Variants in NPAS3 observed in about 807,000 individuals in gnomAD.
The protein encoded by NPAS3 is neuronal PAS domain protein 3.
A neutral mutation model predicts 73.1 loss-of-function variants in NPAS3; 14 were observed. That is an observed-to-expected ratio of 0.19 (90% CI 0.13 to 0.30). NPAS3 has a LOEUF of 0.30. NPAS3 is among the 10% of genes least tolerant of loss of function. The pLI is 1.00. For synonymous variants in NPAS3, 620 were observed against 541.5 expected, an observed-to-expected ratio of 1.14 and a Z score of -2.01; for missense variants, 1,096 against 1,250.0, an observed-to-expected ratio of 0.88 and a Z score of 1.86.
chr14:33,767,136 T>G (rs1025908838), intron 7 of NPAS3, among the ~76,000 whole-genome samples: 4 of 152,186 alleles, frequency 2.6e-5, no homozygotes, highest in Non-Finnish European at 4.4e-5. Context: ...GTATTTGTTT[T>G]TTCAGGCCTT....
At chr14:32,969,990 T>C (rs2037352916) in intron 1 of NPAS3, among the ~76,000 whole-genome samples, 1 of 152,188 alleles carries the variant, frequency 6.6e-6, no homozygotes, top group Non-Finnish European at 1.5e-5. Flanking sequence ...AAAGACTCGC[T>C]AGCTTCCAGG....
intron 3 of NPAS3, among the ~76,000 whole-genome samples, chr14:33,217,938 C>T (rs543050209): frequency 6.6e-6 from 1 of 152,224 alleles, no homozygotes; most frequent in East Asian, 1.9e-4. Flanking sequence ...TTTCTATCAC[C>T]ATCATCAGAC....
At chr14:33,737,658 C>T (rs2061556636) in intron 7 of NPAS3, among the ~76,000 whole-genome samples, 1 of 152,122 alleles carries the variant, frequency 6.6e-6, no homozygotes, top group Non-Finnish European at 1.5e-5. Context: ...CAGTGAACTT[C>T]CCTCATTAAT....
chr14:33,487,025 C>T (rs190063206), intron 4 of NPAS3, among the ~76,000 whole-genome samples: 57 of 152,222 alleles, frequency 3.7e-4, no homozygotes, highest in African/African-American at 1.3e-3. Context: ...AAGTCAAACT[C>T]TCCCCAATAT....
At chr14:33,162,352 C>A (rs2044925110) in intron 2 of NPAS3, among the ~76,000 whole-genome samples, 1 of 152,126 alleles carries the variant, frequency 6.6e-6, no homozygotes, top group South Asian at 2.1e-4. Context: ...CAGCAAGTCC[C>A]AGGCATCATA....
chr14:33,557,920 G>C lies in NPAS3; in HGVS notation c.469-2201G>C, dbSNP rs557571660. Among the ~76,000 whole-genome samples, 12 of 152,284 alleles carry C rather than the reference G, an allele frequency of 7.9e-5. No homozygotes were observed. The South Asian group carries it at 8.3e-4, about 11-fold the overall frequency. On this transcript the variant is annotated intron_variant, in intron 4 of 11. Coordinates refer to ENST00000356141, the Ensembl canonical transcript of NPAS3. ...GGAGGCGGAGCTTGCAGTGAGCTGCGGTCTCGCTACCGCACTCCAGCCTGG... is the reference window on the plus strand; with the variant it reads ...GGAGGCGGAGCTTGCAGTGAGCTGCCGTCTCGCTACCGCACTCCAGCCTGG...
intron 2 of NPAS3, among the ~76,000 whole-genome samples, chr14:33,139,319 AC>A (rs1383380284): frequency 6.6e-6 from 1 of 152,168 alleles, no homozygotes; most frequent in Non-Finnish European, 1.5e-5. Context: ...TTGCACCAAA[AC>A]CCATACCATT....
At chr14:32,950,139 C>A (rs1357539461) in intron 1 of NPAS3, among the ~76,000 whole-genome samples, 1 of 151,900 alleles carries the variant, frequency 6.6e-6, no homozygotes, top group East Asian at 1.9e-4. Flanking sequence ...AAATATTTAG[C>A]CAAATTGAAG....
intron 1 of NPAS3, among the ~76,000 whole-genome samples, chr14:33,031,425 T>A (rs562185232): frequency 2.0e-5 from 3 of 152,306 alleles, no homozygotes; most frequent in Admixed American, 6.5e-5. Context: ...GACTCCAAGT[T>A]CAGTTCTCTT....
intron 2 of NPAS3, among the ~76,000 whole-genome samples, chr14:33,094,346 A>G (rs2042333270): frequency 6.6e-6 from 1 of 152,190 alleles, no homozygotes; most frequent in South Asian, 2.1e-4. Context: ...CTTTAAAAAT[A>G]TCTTCTGTTT....
At chr14:33,735,869 A>G (rs147714634) in intron 7 of NPAS3, among the ~76,000 whole-genome samples, 1 of 152,162 alleles carries the variant, frequency 6.6e-6, no homozygotes, top group African/African-American at 2.4e-5. Flanking sequence ...TTCATAGAAT[A>G]CTCGATATAC....
intron 2 of NPAS3, among the ~76,000 whole-genome samples, chr14:33,076,081 GT>G (rs1393432131): frequency 3.9e-5 from 6 of 152,040 alleles, no homozygotes; most frequent in African/African-American, 1.4e-4. Flanking sequence ...AACCCATCTT[GT>G]ATTTCTATCT....
intron 5 of NPAS3, among the ~76,000 whole-genome samples, chr14:33,602,413 C>G (rs2057426717): frequency 6.6e-6 from 1 of 152,190 alleles, no homozygotes; most frequent in Non-Finnish European, 1.5e-5. Context: ...GAGTAGAAGT[C>G]TGAGTGCTTC....
intron 3 of NPAS3, among the ~76,000 whole-genome samples, chr14:33,233,026 G>A (rs1469543937): frequency 6.6e-6 from 1 of 152,110 alleles, no homozygotes; most frequent in East Asian, 1.9e-4. Context: ...GGATCTCTCT[G>A]CTGATGTTAG....
At chr14:33,061,526 C>T (rs1311173116) in intron 2 of NPAS3, among the ~76,000 whole-genome samples, 2 of 152,090 alleles carry the variant, frequency 1.3e-5, no homozygotes, top group Admixed American at 6.5e-5. Context: ...TGGTTTCTCC[C>T]AGTTAATTTT....
intron 4 of NPAS3, among the ~76,000 whole-genome samples, chr14:33,372,222 C>T (rs558630335): frequency 1.3e-5 from 2 of 152,102 alleles, no homozygotes; most frequent in Non-Finnish European, 2.9e-5. Flanking sequence ...GCCCCAGTGA[C>T]GTTTCACTGA....
intron 2 of NPAS3, among the ~76,000 whole-genome samples, chr14:33,090,989 T>A (rs902734878): frequency 1.4e-4 from 21 of 152,182 alleles, no homozygotes; most frequent in African/African-American, 5.1e-4. Context: ...CATTTAAAGC[T>A]GTGTGTCGAC....
At chr14:33,606,553 A>G (rs1307788833) in intron 5 of NPAS3, among the ~76,000 whole-genome samples, 1 of 152,088 alleles carries the variant, frequency 6.6e-6, no homozygotes, top group African/African-American at 2.4e-5. Context: ...ATGCAGAAAA[A>G]AACCCTTTGA....
intron 5 of NPAS3, among the ~76,000 whole-genome samples, chr14:33,575,029 A>G (rs1176160821): frequency 6.6e-6 from 1 of 152,220 alleles, no homozygotes; most frequent in Non-Finnish European, 1.5e-5. Context: ...AGCTCAAAGC[A>G]GGAAAGGCCA....
Sources: gnomAD v4.1 joint callset for allele counts (sites outside exome capture counted in the v4.1 genomes callset) on GRCh38, gnomAD v4.1.1 for gene constraint, MANE v1.5 for transcripts, NCBI Gene and HGNC (gene_info 2026-07-23, HGNC 2026-07-21) for gene names.